UPF2: variants seen among roughly 807,000 people sequenced by gnomAD.
UPF2 encodes UPF2 regulator of nonsense mediated mRNA decay, also known as regulator of nonsense transcripts 2.
Under a neutral mutation model 141.4 loss-of-function variants are expected in UPF2, and 17 were observed. The ratio of observed to expected loss-of-function variants is 0.12; its 90% CI spans 0.08 to 0.18. The LOEUF (loss-of-function observed/expected upper bound fraction) is 0.18, where lower values mean the gene tolerates loss of function less well. UPF2 is among the 10% of genes least tolerant of loss of function. The pLI is 1.00. For missense variants in UPF2, 1,152 were observed against 1,515.9 expected, an observed-to-expected ratio of 0.76 and a Z score of 3.99; for synonymous variants, 540 against 498.0, an observed-to-expected ratio of 1.08 and a Z score of -1.12.
intron 18 of UPF2, among the ~76,000 whole-genome samples, chr10:11,938,310 T>C (rs1189050252): frequency 1.3e-5 from 2 of 152,222 alleles, no homozygotes; most frequent in Admixed American, 6.5e-5. Context: ...ACAATTTTTT[T>C]TTTAAATGAT....
Position 12,028,983 on chromosome 10 carries a change from T to C in UPF2, c.907A>G (p.Thr303Ala), listed in dbSNP as rs770354497. 4 of 1,614,034 alleles carry C rather than the reference T, an allele frequency of 2.5e-6. No individual in the cohort carries two copies. The highest frequency in any genetic ancestry group is 1.6e-4 in the Middle Eastern group (1 of 6,084). Residue 303 changes from threonine to alanine, a missense_variant, in exon 3 of 22, where the codon ACT (threonine) becomes GCT (alanine). Transcript: ENST00000357604. ...NIINADRESHTHVSVVISFCR... is the reference protein window; with the variant it reads ...NIINADRESHAHVSVVISFCR... ...AAACTAATCACTACAGAGACATGAG[T>C]GTGGGACTCCCGATCAGCATTAATA...
rs537224696 is a variant in UPF2, at chr10:11,956,784, G to C, written c.2371-261C>G. 6.6e-6 allele frequency among the ~76,000 whole-genome samples: 1 copy of C among 152,138 alleles called. No homozygotes were observed. Among genetic ancestry groups the C allele is most frequent in the African/African-American group, 2.4e-5 (1 of 41,506 alleles). On this transcript the variant is annotated intron_variant, in intron 12 of 21. Transcript: ENST00000357604. The surrounding 1 kb of genome is among the most constrained non-coding windows in gnomAD (Gnocchi z 4.2). ...TCTTCAATCTAGGTGACTGTTCTCA[G>C]GTCATTAAAATAAATATCCAATCAG...
chr10:11,951,972 C>G, intron 15 of UPF2, 94 bp downstream of exon 15: 1 of 1,275,960 alleles, frequency 7.8e-7, no homozygotes, highest in Non-Finnish European at 1.1e-6. Context: ...AGAAAAGATA[C>G]AATGTAAGCT....
At chr10:11,964,906 C>T (rs1023617860) in intron 10 of UPF2, among the ~76,000 whole-genome samples, 2 of 152,130 alleles carry the variant, frequency 1.3e-5, no homozygotes, top group Admixed American at 1.3e-4. Context: ...CAAATCTATA[C>T]ACAAAATTCA....
chr10:11,972,615 G>C (rs1359607223), intron 9 of UPF2, among the ~76,000 whole-genome samples: 1 of 152,128 alleles, frequency 6.6e-6, no homozygotes, highest in Non-Finnish European at 1.5e-5. Context: ...TCCCACCTAT[G>C]AGTGAGAACA....
rs189836421 is a variant in UPF2 at position 12,004,083 on chromosome 10, A to C, written c.1504+447T>G. Among the ~76,000 whole-genome samples, 90 of 152,292 alleles carry C rather than the reference A, an allele frequency of 5.9e-4. 1 individual carries two copies. The highest frequency in any genetic ancestry group is 3.1e-3 in the South Asian group (15 of 4,824). On this transcript the variant is annotated intron_variant, in intron 5 of 21. Transcript: ENST00000357604. ...ACCTGAGAAACACAATGTAACCGGC[A>C]TTCAGAAACTCCCACTCTATTAACG...
In UPF2 at chr10:11,979,463, G is replaced by A. The variant is rs1211674270; in HGVS notation, c.1845-298C>T. Among the ~76,000 whole-genome samples, 8 of 152,200 alleles carry A rather than the reference G, an allele frequency of 5.3e-5. No homozygotes were observed. Among genetic ancestry groups the A allele is most frequent in the South Asian group, 2.1e-4 (1 of 4,826 alleles). The stretch of plus-strand genomic sequence containing the variant: ...ACAAAAAAACAGTATGTTTTGACAC[G>A]ACTTAAATTTTTAATCACATAATTA... On this transcript the variant is annotated intron_variant, in intron 8 of 21. Coordinates refer to ENST00000357604, the MANE Select transcript of UPF2 (RefSeq NM_015542.4). This position sits in a 1 kb window ranked among gnomAD's most constrained non-coding sequence, Gnocchi z 6.2.
chr10:12,012,796 C>T (rs867658716), intron 4 of UPF2, among the ~76,000 whole-genome samples: 1 of 63,686 alleles, frequency 1.6e-5, no homozygotes, highest in African/African-American at 6.1e-5. Context: ...AAGACTCCGC[C>T]AAAAAAAAAA....
intron 11 of UPF2, among the ~76,000 whole-genome samples, chr10:11,962,483 C>A (rs566063552): frequency 3.1e-4 from 47 of 152,202 alleles, no homozygotes; most frequent in Admixed American, 2.9e-3. Context: ...CTCAGTTCTA[C>A]CTCCTAAAAA....
At chr10:11,932,097 C>T (rs749585371) in intron 19 of UPF2, among the ~76,000 whole-genome samples, 49 of 151,762 alleles carry the variant, frequency 3.2e-4, no homozygotes, top group Non-Finnish European at 5.7e-4. Context: ...TGCAGTGAGC[C>T]GAGATTGTGC....
rs375036462 is a variant in UPF2 at position 11,921,268 on chromosome 10, G to C, written c.*30C>G. ...TCCACTAACCACAACATCAGATACA[G>C]GACCTAATGAAATGACACGTGCTGC... is the stretch of plus-strand genomic sequence containing the variant. On this transcript the variant is annotated 3_prime_UTR_variant, in exon 22 of 22. Transcript: ENST00000357604. This position sits in a 1 kb window ranked among gnomAD's most constrained non-coding sequence, Gnocchi z 5.9. The C allele has an allele frequency of 1.2e-6, 2 of 1,614,074 alleles. No homozygotes were observed. Among genetic ancestry groups the C allele is most frequent in the African/African-American group, 2.7e-5 (2 of 75,042 alleles).
chr10:11,943,325 T>C (rs531899415), intron 16 of UPF2, among the ~76,000 whole-genome samples, 157 bp from the exon 17 acceptor site: 48 of 152,368 alleles, frequency 3.2e-4, no homozygotes, highest in Non-Finnish European at 5.1e-4. Flanking sequence ...CAAAGTCAGC[T>C]AGCAACGTTT....
chr10:12,018,623 G>A (rs930292893), intron 3 of UPF2, among the ~76,000 whole-genome samples: 9 of 151,918 alleles, frequency 5.9e-5, no homozygotes, highest in African/African-American at 2.2e-4. Context: ...GCGGTGGTGG[G>A]CACCTACAGT....
At chr10:11,999,836 A>T in intron 7 of UPF2, 70 bp downstream of exon 7, 1 of 1,252,338 alleles carries the variant, frequency 8.0e-7, no homozygotes, top group Non-Finnish European at 1.2e-6. Flanking sequence ...TAAAAACCAT[A>T]GACATTCCTT....
At chr10:12,036,336 G>A (rs939053289) in intron 1 of UPF2, among the ~76,000 whole-genome samples, 3 of 152,126 alleles carry the variant, frequency 2.0e-5, no homozygotes, top group African/African-American at 4.8e-5. Context: ...CTAAATATCC[G>A]TCGGAGAAAA....
chr10:11,920,591 C>T lies in UPF2; in HGVS notation c.*707G>A, dbSNP rs1588519041. 1 of 162,246 alleles carries T rather than the reference C, an allele frequency of 6.2e-6. No homozygotes were observed. The highest frequency in any genetic ancestry group is 1.4e-5 in the Non-Finnish European group (1 of 73,654). 10.1% of individuals were successfully genotyped at this position (162,246 alleles called of 1,614,324 possible). A position where few individuals can be genotyped will look rare whatever the true frequency, so the allele number is the denominator to read the frequency against. On this transcript the variant is annotated 3_prime_UTR_variant, in exon 22 of 22. Coordinates refer to ENST00000357604, the MANE Select transcript of UPF2 (RefSeq NM_015542.4). The stretch of plus-strand genomic sequence containing the variant: ...CTTTTCTAAGCCATCTGAATTAATG[C>T]TCTCTGTATAGTAAAATAGTCTCCA...
chr10:12,025,812 C>T (rs748375099), intron 3 of UPF2, among the ~76,000 whole-genome samples: 3 of 152,214 alleles, frequency 2.0e-5, no homozygotes, highest in South Asian at 4.1e-4. Flanking sequence ...GTTTTTGTTT[C>T]GAGACAGGGT....
At chr10:12,033,010 C>T (rs973196651) in intron 2 of UPF2, among the ~76,000 whole-genome samples, 4 of 151,974 alleles carry the variant, frequency 2.6e-5, no homozygotes, top group African/African-American at 9.7e-5. Flanking sequence ...ATCACCCCCC[C>T]AAAAATGGGA....
At position 11,956,774 on chromosome 10, in the gene UPF2, A is replaced by T. The variant is rs1490196804; in HGVS notation, c.2371-251T>A. ...AGTTTTCAGGTCTTCAATCTAGGTG[A>T]CTGTTCTCAGGTCATTAAAATAAAT... On this transcript the variant is annotated intron_variant, in intron 12 of 21. Transcript: ENST00000357604. This position sits in a 1 kb window ranked among gnomAD's most constrained non-coding sequence, Gnocchi z 4.2. Among the ~76,000 whole-genome samples the T allele has an allele frequency of 2.6e-5, 4 of 152,114 alleles. No homozygotes were observed. The highest frequency in any genetic ancestry group is 5.9e-5 in the Non-Finnish European group (4 of 68,032).
Sources: gnomAD v4.1 joint callset for allele counts (sites outside exome capture counted in the v4.1 genomes callset) on GRCh38, gnomAD v4.1.1 for gene constraint, Gnocchi (gnomAD v3.1) non-coding constraint, MANE v1.5 for transcripts, NCBI Gene and HGNC (gene_info 2026-07-23, HGNC 2026-07-21) for gene names.